Variants in SLC25A21 observed in about 807,000 individuals in gnomAD.
SLC25A21 encodes the protein solute carrier family 25 member 21.
SLC25A21 carries 47 observed loss-of-function variants against 43.8 expected under a neutral mutation model. The ratio of observed to expected loss-of-function variants is 1.07; its 90% CI spans 0.85 to 1.37. The LOEUF (loss-of-function observed/expected upper bound fraction) is 1.37, where lower values mean the gene tolerates loss of function less well. Ranked by LOEUF, SLC25A21 falls within the 40% of genes most tolerant of loss-of-function variation. The pLI is 0.00. For synonymous variants in SLC25A21, 131 were observed against 121.3 expected, an observed-to-expected ratio of 1.08 and a Z score of -0.52; for missense variants, 352 against 350.2, an observed-to-expected ratio of 1.00 and a Z score of -0.04.
chr14:37,017,895 G>C (rs188293876), intron 1 of SLC25A21, among the ~76,000 whole-genome samples: 2 of 151,892 alleles, frequency 1.3e-5, no homozygotes, highest in Non-Finnish European at 2.9e-5. Flanking sequence ...CAGCACTGGG[G>C]TAATTGACAC....
chr14:36,678,881 A>AAATT lies in SLC25A21; in HGVS notation c.*1773_*1776dup. 1.0e-6 allele frequency: 1 copy of AAATT among 974,804 alleles called. No homozygotes were observed. The highest frequency in any genetic ancestry group is 1.2e-6 in the Non-Finnish European group (1 of 818,906). 60.4% of individuals were successfully genotyped at this position (974,804 alleles called of 1,614,324 possible). On this transcript the variant is annotated 3_prime_UTR_variant, in exon 10 of 10. Transcript: ENST00000331299. Reference sequence around the variant, plus strand: ...TCAGATACAATTTGCTATTCAAAGAAAATTATGATTTAAAGCCACTTTTTA... The same window carrying AAATT: ...TCAGATACAATTTGCTATTCAAAGAAAATTAATTATGATTTAAAGCCACTTTTTA...
intron 1 of SLC25A21, among the ~76,000 whole-genome samples, chr14:37,022,320 G>A (rs897849646): frequency 2.8e-4 from 43 of 151,996 alleles, no homozygotes; most frequent in African/African-American, 9.4e-4. Context: ...ACATAGTATA[G>A]TTTTCAATGT....
At chr14:36,927,193 AC>A (rs1470130021) in intron 1 of SLC25A21, among the ~76,000 whole-genome samples, 1 of 152,152 alleles carries the variant, frequency 6.6e-6, no homozygotes, top group Non-Finnish European at 1.5e-5. Context: ...AATTATAGTA[AC>A]CAAGCTCTTG....
chr14:36,840,185 ACTATGGT>A (rs1207137725), intron 2 of SLC25A21, among the ~76,000 whole-genome samples: 2 of 152,106 alleles, frequency 1.3e-5, no homozygotes, highest in Admixed American at 1.3e-4. Context: ...GTAAAACTGA[ACTATGGT>A]TAAGAATAAA....
intron 3 of SLC25A21, among the ~76,000 whole-genome samples, chr14:36,741,761 A>G (rs1482174242): frequency 6.6e-6 from 1 of 152,242 alleles, no homozygotes; most frequent in Non-Finnish European, 1.5e-5. Context: ...GGCATTCAGT[A>G]AGCATCCAGA....
chr14:36,684,967 A>C, intron 7 of SLC25A21, 42 bp from the exon 8 acceptor site: 1 of 1,546,502 alleles, frequency 6.5e-7, no homozygotes, highest in South Asian at 1.2e-5. Context: ...GGGGAGCGGA[A>C]GCCCCTAAAT....
Position 37,086,817 on chromosome 14 carries a change from G to A in SLC25A21, c.70+85464C>T, listed in dbSNP as rs1401683745. On this transcript the variant is annotated intron_variant, in intron 1 of 9. Coordinates refer to ENST00000331299, the MANE Select transcript of SLC25A21 (RefSeq NM_030631.4). ...CAGCCATTGTTTTTGAGTTGAAAGGGAAAGCCACTTAAAATTAGTCTTAGT... is the reference window on the plus strand; with the variant it reads ...CAGCCATTGTTTTTGAGTTGAAAGGAAAAGCCACTTAAAATTAGTCTTAGT... Among the ~76,000 whole-genome samples, 5 of 152,242 alleles carry A rather than the reference G, an allele frequency of 3.3e-5. No homozygotes were observed. The East Asian group carries it at 5.8e-4, about 18-fold the overall frequency.
intron 1 of SLC25A21, among the ~76,000 whole-genome samples, chr14:37,021,759 G>A (rs1960990809): frequency 6.6e-6 from 1 of 151,942 alleles, no homozygotes; most frequent in Admixed American, 6.6e-5. Context: ...CACAATTTTT[G>A]TTTTTGTTGT....
intron 1 of SLC25A21, among the ~76,000 whole-genome samples, chr14:37,045,329 T>C (rs1961564925): frequency 6.6e-6 from 1 of 152,204 alleles, no homozygotes; most frequent in African/African-American, 2.4e-5. Context: ...GTTATAGAAT[T>C]AGTAGATCCT....
At chr14:37,077,493 A>G (rs1962305089) in intron 1 of SLC25A21, among the ~76,000 whole-genome samples, 1 of 152,174 alleles carries the variant, frequency 6.6e-6, no homozygotes, top group Non-Finnish European at 1.5e-5. Flanking sequence ...TGTTATGTAT[A>G]ACAATTGAAT....
intron 7 of SLC25A21, among the ~76,000 whole-genome samples, chr14:36,697,191 T>C (rs987156965): frequency 2.6e-5 from 4 of 152,352 alleles, no homozygotes; most frequent in African/African-American, 9.6e-5. Context: ...CAGGAGCAAG[T>C]TGTTCAGTTT....
At chr14:37,002,251 G>A (rs552730698) in intron 1 of SLC25A21, among the ~76,000 whole-genome samples, 1 of 152,150 alleles carries the variant, frequency 6.6e-6, no homozygotes, top group Admixed American at 6.5e-5. Context: ...TAAACACAGA[G>A]AGCCCAGCTC....
intron 6 of SLC25A21, among the ~76,000 whole-genome samples, chr14:36,712,555 G>A (rs973308106): frequency 1.3e-5 from 2 of 152,116 alleles, no homozygotes; most frequent in African/African-American, 4.8e-5. Context: ...ATTTATAATA[G>A]CTATGTAATT....
intron 2 of SLC25A21, among the ~76,000 whole-genome samples, chr14:36,816,496 T>TC (rs1888460120): frequency 7.1e-6 from 1 of 139,940 alleles, no homozygotes; most frequent in African/African-American, 2.8e-5. Context: ...CATATTCTCC[T>TC]CTTTTTTTTT....
chr14:36,850,959 A>C (rs976838011), intron 2 of SLC25A21, among the ~76,000 whole-genome samples: 4 of 152,180 alleles, frequency 2.6e-5, no homozygotes. Context: ...TCTACTGCAA[A>C]TGTTAGTCCT....
intron 7 of SLC25A21, among the ~76,000 whole-genome samples, chr14:36,688,243 T>C (rs1000052917): frequency 2.0e-5 from 3 of 152,192 alleles, no homozygotes; most frequent in African/African-American, 7.2e-5. Flanking sequence ...ACAGATCCCC[T>C]CTCAAAATTG....
intron 1 of SLC25A21, among the ~76,000 whole-genome samples, chr14:37,127,649 C>A (rs143178205): frequency 6.6e-6 from 1 of 152,102 alleles, no homozygotes; most frequent in African/African-American, 2.4e-5. Context: ...CTTCATTGAT[C>A]GAAAGCAAAG....
At chr14:37,029,758 CT>C (rs57538608) in intron 1 of SLC25A21, among the ~76,000 whole-genome samples, 2,179 of 106,280 alleles carry the variant, frequency 0.021, 8 homozygotes, top group African/African-American at 0.027. Context: ...TAATAGCCGA[CT>C]TTTTTTTTTT....
rs543374481 is a variant in SLC25A21, at chr14:37,032,392, C to T, written c.70+139889G>A. Among the ~76,000 whole-genome samples, 249 of 152,058 alleles carry T rather than the reference C, an allele frequency of 1.6e-3. 1 individual carries two copies. The highest frequency in any genetic ancestry group is 4.6e-3 in the African/African-American group (191 of 41,486). On this transcript the variant is annotated intron_variant, in intron 1 of 9. Coordinates refer to ENST00000331299, the MANE Select transcript of SLC25A21 (RefSeq NM_030631.4). ...CTACCACAAAAAAAATAAAACTAGCCGGGCGTGGTGGCGTGTGCCTGTAGT... is the reference window on the plus strand; with the variant it reads ...CTACCACAAAAAAAATAAAACTAGCTGGGCGTGGTGGCGTGTGCCTGTAGT...
Sources: allele counts gnomAD v4.1 joint callset (sites outside exome capture counted in the v4.1 genomes callset), GRCh38; gene constraint gnomAD v4.1.1; transcripts MANE v1.5; gene names NCBI Gene and HGNC (gene_info 2026-07-23, HGNC 2026-07-21).